The following PEX12 variants were observed in gnomAD, a reference collection of about 807,000 sequenced individuals.
PEX12 encodes the protein peroxisome assembly protein 12.
In PEX12, 31 loss-of-function variants were observed where a neutral mutation model predicts 32.5. That is an observed-to-expected ratio of 0.95 (90% CI 0.72 to 1.29). The LOEUF (loss-of-function observed/expected upper bound fraction) is 1.29, where lower values mean the gene tolerates loss of function less well. PEX12 is among the 50% of genes most tolerant of loss of function. The pLI is 0.00. For missense variants in PEX12, 359 were observed against 419.0 expected (o/e 0.86, Z 1.25); for synonymous variants, 148 against 157.2 (o/e 0.94, Z 0.44).
rs916211345 is a variant in PEX12, at chr17:35,577,899, GA to G, written c.122del (p.Val41AlafsTer26). On this transcript the variant is annotated frameshift_variant, in exon 1 of 3. Transcript: ENST00000225873. LOFTEE classifies it high-confidence loss of function. ...TAVRPALQHVVKVLAESNPTH... is the reference protein window; with the variant it reads ...TAVRPALQHVXKVLAESNPTH... ...TTTCCAAGAATTAATACCTTACCTT[GA>G]CCACATGCTGAAGAGCGGGTCTCAC... 1 of 1,614,034 alleles carries G rather than the reference GA, an allele frequency of 6.2e-7. No homozygotes were observed. The highest frequency in any genetic ancestry group is 8.5e-7 in the Non-Finnish European group (1 of 1,180,012).
Position 35,575,038 on chromosome 17 carries a change from G to C in PEX12, c.*744C>G, listed in dbSNP as rs2072776380. The stretch of plus-strand genomic sequence containing the variant: ...TAGTATTTTGCTTCATGTCTTCATT[G>C]CTTGTTAGCTTTGCTTTTACACAGG... On this transcript the variant is annotated 3_prime_UTR_variant, in exon 3 of 3. Coordinates refer to ENST00000225873, the MANE Select transcript of PEX12 (RefSeq NM_000286.3). The C allele has an allele frequency of 6.6e-6, 1 of 152,448 alleles. No individual in the cohort carries two copies. The highest frequency in any genetic ancestry group is 1.5e-5 in the Non-Finnish European group (1 of 68,018). 9.4% of individuals were successfully genotyped at this position (152,448 alleles called of 1,614,324 possible). A position where few individuals can be genotyped will look rare whatever the true frequency, so the allele number is the denominator to read the frequency against.
At position 35,578,027 on chromosome 17, in the gene PEX12, C is replaced by G; in HGVS notation, c.-6G>C. On this transcript the variant is annotated 5_prime_UTR_variant, in exon 1 of 3. Coordinates refer to ENST00000225873, the MANE Select transcript of PEX12 (RefSeq NM_000286.3). ...TGAGCCCCGTGCTCAGCCATAGTTT[C>G]CTGCGTGTACTGGCTTTCACTTTTC... is the stretch of plus-strand genomic sequence containing the variant. 1 of 1,614,070 alleles carries G rather than the reference C, an allele frequency of 6.2e-7. No homozygotes were observed. The highest frequency in any genetic ancestry group is 8.5e-7 in the Non-Finnish European group (1 of 1,180,008).
rs1407673450 is a variant in PEX12 at position 35,577,224 on chromosome 17, A to G, written c.494T>C (p.Phe165Ser). 6.2e-7 allele frequency: 1 copy of G among 1,614,022 alleles called. No homozygotes were observed. Among genetic ancestry groups the G allele is most frequent in the Non-Finnish European group, 8.5e-7 (1 of 1,180,026 alleles). The change falls in exon 2 of 3, where the codon TTT (phenylalanine) becomes TCT (serine). Residue 165 changes from phenylalanine to serine, a missense_variant. Coordinates refer to ENST00000225873, the MANE Select transcript of PEX12 (RefSeq NM_000286.3). Reference protein sequence around the residue: ...FYRAFLAAYPFVNMAWEGWFL... With the variant: ...FYRAFLAAYPSVNMAWEGWFL... ...CCATCCTTCCCAGGCCATGTTCACA[A>G]ATGGGTAGGCTGCCAGGAAAGCTCT... is the stretch of plus-strand genomic sequence containing the variant.
chr17:35,576,096 A>G lies in PEX12; in HGVS notation c.766T>C (p.Phe256Leu). The change falls in exon 3 of 3, where the codon TTC (phenylalanine) becomes CTC (leucine). Residue 256 changes from phenylalanine to leucine, a missense_variant. Coordinates refer to ENST00000225873, the MANE Select transcript of PEX12 (RefSeq NM_000286.3). ...SLSTGLSVGV[F>L]FLQFLDWWYS... ...CACCAGTCAAGGAACTGCAAGAAGA[A>G]TACACCCACAGAAAGGCCAGTAGAC... The G allele has an allele frequency of 6.2e-7, 1 of 1,614,116 alleles. No homozygotes were observed. The highest frequency in any genetic ancestry group is 8.5e-7 in the Non-Finnish European group (1 of 1,180,002).
chr17:35,575,673 TATA>T lies in PEX12; in HGVS notation c.*106_*108del. 9.7e-7 allele frequency: 1 copy of T among 1,028,350 alleles called. No individual in the cohort carries two copies. The highest frequency in any genetic ancestry group is 1.3e-5 in the South Asian group (1 of 78,606). 63.7% of individuals were successfully genotyped at this position (1,028,350 alleles called of 1,614,324 possible). ...AATCCATATAATCATTTAAAGTTCA[TATA>T]GTTATGAATTGAGGCTGAGAAGTGT... On this transcript the variant is annotated 3_prime_UTR_variant, in exon 3 of 3. Coordinates refer to ENST00000225873, the MANE Select transcript of PEX12 (RefSeq NM_000286.3).
rs761445143 is a variant in PEX12, at chr17:35,575,890, A to G, written c.972T>C (p.Phe324=). 5.0e-6 allele frequency: 8 copies of G among 1,614,116 alleles called. No individual in the cohort carries two copies. The highest frequency in any genetic ancestry group is 6.8e-6 in the Non-Finnish European group (8 of 1,180,046). ...DTVLATSGYV[F]CYRCVFHYVR... ...CATAATGAAACACACAGCGGTAACA[A>G]AACACATAGCCAGAGGTGGCAAGAA... The change falls in exon 3 of 3, where the codon TTT becomes TTC. Residue 324 remains phenylalanine, a synonymous_variant. Coordinates refer to ENST00000225873, the MANE Select transcript of PEX12 (RefSeq NM_000286.3).
rs34856484 is a variant in PEX12 at position 35,576,487 on chromosome 17, G to GA, written c.681-307dup. Among the ~76,000 whole-genome samples, 933 of 107,568 alleles carry GA rather than the reference G, an allele frequency of 8.7e-3. 6 individuals are homozygous for GA. Among genetic ancestry groups the GA allele is most frequent in the Admixed American group, 0.012 (122 of 10,374 alleles). The allele number at this position is 107,568 out of a possible 152,430, so 70.6% of individuals were successfully genotyped here. A position where few individuals can be genotyped will look rare whatever the true frequency, so the allele number is the denominator to read the frequency against. ...TTTTTTAGTGGAAGATAGTGATCCA[G>GA]AAAAAAAAAAAAAAACCCAATTCAC... On this transcript the variant is annotated intron_variant, in intron 2 of 2. Transcript: ENST00000225873.
Position 35,577,135 on chromosome 17 carries a change from G to A in PEX12, c.583C>T (p.Leu195=). Residue 195 remains leucine (L), a synonymous_variant, in exon 2 of 3, where the codon CTG becomes TTG. Transcript: ENST00000225873. The stretch of plus-strand genomic sequence containing the variant: ...AGTCGACCTAGCTGAACTCCAGCCA[G>A]CCTCAGCAGTGGTGAGTGATGCTGA... ...KAQHHSPLLR[L]AGVQLGRLTV... is the part of the protein sequence containing the mutation. 1 of 1,614,072 alleles carries A rather than the reference G, an allele frequency of 6.2e-7. No individual in the cohort carries two copies. Among genetic ancestry groups the A allele is most frequent in the African/African-American group, 1.3e-5 (1 of 75,020 alleles).
intron 2 of PEX12, among the ~76,000 whole-genome samples, chr17:35,576,529 C>A: frequency 6.7e-6 from 1 of 149,134 alleles, no homozygotes; most frequent in African/African-American, 2.5e-5. Context: ...AAAAACTTAG[C>A]AGTATTGAGG....
Position 35,578,413 on chromosome 17 carries a change from T to A in PEX12, c.-392A>T. ...TGAGAGCTCAAAAGCCAGCCGACTC[T>A]GAGGATTCAGTCGTGCCACTGTGAG... On this transcript the variant is annotated 5_prime_UTR_variant, in exon 1 of 3. Coordinates refer to ENST00000225873, the MANE Select transcript of PEX12 (RefSeq NM_000286.3). The A allele has an allele frequency of 3.0e-6, 1 of 338,904 alleles. No homozygotes were observed. The highest frequency in any genetic ancestry group is 5.8e-6 in the Non-Finnish European group (1 of 172,148). The allele number at this position is 338,904 out of a possible 1,614,324, so 21.0% of individuals were successfully genotyped here. A position where few individuals can be genotyped will look rare whatever the true frequency, so the allele number is the denominator to read the frequency against.
At position 35,575,974 on chromosome 17, in the gene PEX12, G is replaced by C. The variant is rs2142229002; in HGVS notation, c.888C>G (p.Leu296=). The change falls in exon 3 of 3, where the codon CTC becomes CTG. Residue 296 remains leucine, a synonymous_variant. Transcript: ENST00000225873. ...GGCACACAGTCTTCATTTTGGGTAA[G>C]AGGGGAGAATCAGAGTTATAGTCTA... ...VHLDYNSDSP[L]LPKMKTVCPL... is the part of the protein sequence containing the mutation. 6.2e-7 allele frequency: 1 copy of C among 1,613,790 alleles called. No homozygotes were observed. Among genetic ancestry groups the C allele is most frequent in the Non-Finnish European group, 8.5e-7 (1 of 1,179,768 alleles).
rs910016625 is a variant in PEX12 at position 35,578,256 on chromosome 17, T to C, written c.-235A>G. On this transcript the variant is annotated 5_prime_UTR_variant, in exon 1 of 3. Transcript: ENST00000225873. ...AAGTTAACTCGGACGTGGGTGGAAG[T>C]AGTATGTGGCGAGGGGGTAACTTGT... The C allele has an allele frequency of 8.1e-6, 4 of 492,858 alleles. No individual in the cohort carries two copies. The highest frequency in any genetic ancestry group is 5.9e-5 in the African/African-American group (3 of 51,040). The allele number at this position is 492,858 out of a possible 1,614,324, so 30.5% of individuals were successfully genotyped here.
chr17:35,576,591 A>G (rs1363191913), intron 2 of PEX12, among the ~76,000 whole-genome samples: 1 of 152,170 alleles, frequency 6.6e-6, no homozygotes, highest in Non-Finnish European at 1.5e-5. Context: ...TAGAAGGAGC[A>G]CAGCATCATG....
chr17:35,577,186 G>A lies in PEX12; in HGVS notation c.532C>T (p.Gln178Ter). The change falls in exon 2 of 3, where the codon CAA becomes TAA. Residue 178 changes from glutamine to a stop codon, truncating the protein, a stop_gained. Transcript: ENST00000225873. LOFTEE classifies it high-confidence loss of function. Reference sequence around the variant, plus strand: ...GCTTTTCCTAGGATGTATCGAAGTTGTTGTACAAGAAACCATCCTTCCCAG... The same window carrying A: ...GCTTTTCCTAGGATGTATCGAAGTTATTGTACAAGAAACCATCCTTCCCAG... ...MAWEGWFLVQ[Q>*]LRYILGKAQH... 1 of 1,614,156 alleles carries A rather than the reference G, an allele frequency of 6.2e-7. No individual in the cohort carries two copies. Among genetic ancestry groups the A allele is most frequent in the Non-Finnish European group, 8.5e-7 (1 of 1,180,034 alleles).
chr17:35,577,371 G>A lies in PEX12; in HGVS notation c.347C>T (p.Ser116Phe). ...GGGAAGAAGAACCAGGAACATAATA[G>A]ATTTCCAAAGCTGCTGCTTTGGGAG... ...AGLPKQQLWK[S>F]IMFLVLLPYL... The change falls in exon 2 of 3, where the codon TCT becomes TTT. Residue 116 changes from serine to phenylalanine, a missense_variant. Transcript: ENST00000225873. 2 of 1,614,162 alleles carry A rather than the reference G, an allele frequency of 1.2e-6. No homozygotes were observed. The highest frequency in any genetic ancestry group is 8.5e-7 in the Non-Finnish European group (1 of 1,180,016).
In PEX12 at chr17:35,575,499, G is replaced by A. The variant is rs1182342514; in HGVS notation, c.*283C>T. On this transcript the variant is annotated 3_prime_UTR_variant, in exon 3 of 3. Coordinates refer to ENST00000225873, the MANE Select transcript of PEX12 (RefSeq NM_000286.3). ...AGGAAAGGGATAGGCAAAAACTTGT[G>A]TACTCATTATTCTGTTTAATCTCTA... The A allele has an allele frequency of 2.4e-6, 1 of 409,816 alleles. No homozygotes were observed. The highest frequency in any genetic ancestry group is 4.5e-6 in the Non-Finnish European group (1 of 220,296). The allele number at this position is 409,816 out of a possible 1,614,324, so 25.4% of individuals were successfully genotyped here.
rs754468289 is a variant in PEX12 at position 35,577,440 on chromosome 17, A to G, written c.278T>C (p.Val93Ala). The G allele has an allele frequency of 1.2e-6, 2 of 1,614,168 alleles. No individual in the cohort carries two copies. The highest frequency in any genetic ancestry group is 1.7e-6 in the Non-Finnish European group (2 of 1,180,030). ...CTGAGACTTGTGAGTGTCCCCCATT[A>G]CAATTCTCTTTAAGCCGTAAAAGTT... is the stretch of plus-strand genomic sequence containing the variant. ...SENFYGLKRIVMGDTHKSQRL... is the reference protein window; with the variant it reads ...SENFYGLKRIAMGDTHKSQRL... Residue 93 changes from valine (V) to alanine (A), a missense_variant, in exon 2 of 3, where the codon GTA becomes GCA. Transcript: ENST00000225873.
In PEX12 at chr17:35,575,083, G is replaced by C. The variant is rs2072776651; in HGVS notation, c.*699C>G. Reference sequence around the variant, plus strand: ...CACAGGAATCTTCAGACTACTCTCTGTAACACTCAACCCCTATTCCTTTTT... The same window carrying C: ...CACAGGAATCTTCAGACTACTCTCTCTAACACTCAACCCCTATTCCTTTTT... On this transcript the variant is annotated 3_prime_UTR_variant, in exon 3 of 3. Transcript: ENST00000225873. 3.3e-5 allele frequency: 5 copies of C among 152,584 alleles called. No homozygotes were observed. The highest frequency in any genetic ancestry group is 3.3e-4 in the Admixed American group (5 of 15,278). The allele number at this position is 152,584 out of a possible 1,614,324, so 9.5% of individuals were successfully genotyped here.
At chr17:35,576,449 T>C (rs1242745014) in intron 2 of PEX12, among the ~76,000 whole-genome samples, 1 of 133,948 alleles carries the variant, frequency 7.5e-6, no homozygotes. Flanking sequence ...AATTTGATTA[T>C]ATAGACCTCC....
Sources: gnomAD v4.1 joint callset for allele counts (sites outside exome capture counted in the v4.1 genomes callset) on GRCh38, gnomAD v4.1.1 for gene constraint, MANE v1.5 for transcripts, NCBI Gene and HGNC (gene_info 2026-07-23, HGNC 2026-07-21) for gene names.